The following PPM1A variants were observed in gnomAD, a reference collection of about 807,000 sequenced individuals.
PPM1A encodes the protein protein phosphatase, Mg2+/Mn2+ dependent 1A.
PPM1A carries 7 observed loss-of-function variants against 35.0 expected under a neutral mutation model. That is an observed-to-expected ratio of 0.20 (90% CI 0.11 to 0.38). The LOEUF is 0.38. Ranked by LOEUF, PPM1A falls within the 10% of genes least tolerant of loss-of-function variation. The pLI is 1.00. For synonymous variants in PPM1A, 153 were observed against 167.3 expected (o/e 0.91, Z 0.66); for missense variants, 239 against 467.8 (o/e 0.51, Z 4.51).
chr14:60,280,097 C>T (rs949137495), intron 1 of PPM1A, among the ~76,000 whole-genome samples: 7 of 152,216 alleles, frequency 4.6e-5, no homozygotes, highest in Middle Eastern at 3.4e-3. Flanking sequence ...ACCTCTGCCT[C>T]CAGGTTCAAG....
intron 1 of PPM1A, among the ~76,000 whole-genome samples, chr14:60,274,897 A>C (rs1349974797): frequency 1.3e-5 from 2 of 151,492 alleles, no homozygotes; most frequent in Non-Finnish European, 2.9e-5. Flanking sequence ...CCCTCTTTTC[A>C]ACTTCTGAAT....
In PPM1A at chr14:60,292,187, T is replaced by C. The variant is rs1304126765; in HGVS notation, c.1120-266T>C. ...AAAAAATTCTTTTTAGTAGATTTAT[T>C]GATTGAGTAATACATTTGGACAGCC... On this transcript the variant is annotated intron_variant, in intron 5 of 5. Coordinates refer to ENST00000395076, the MANE Select transcript of PPM1A (RefSeq NM_021003.5). This position sits in a 1 kb window ranked among gnomAD's most constrained non-coding sequence, Gnocchi z 4.2. Among the ~76,000 whole-genome samples, 3 of 152,170 alleles carry C rather than the reference T, an allele frequency of 2.0e-5. No individual in the cohort carries two copies. Among genetic ancestry groups the C allele is most frequent in the Non-Finnish European group, 4.4e-5 (3 of 68,018 alleles).
In PPM1A at chr14:60,282,848, G is replaced by A; in HGVS notation, c.145G>A (p.Gly49Arg). The A allele has an allele frequency of 1.2e-6, 2 of 1,614,230 alleles. No individual in the cohort carries two copies. Among genetic ancestry groups the A allele is most frequent in the Non-Finnish European group, 1.7e-6 (2 of 1,180,042 alleles). Residue 49 changes from glycine (G) to arginine (R), a missense_variant, in exon 2 of 6, where the codon GGA becomes AGA. Physicochemically the swap from Gly to Arg is moderately radical, Grantham distance 125. This residue lies in a region of PPM1A where 175 missense variants were observed against 389.2 expected (regional missense o/e 0.45). Coordinates refer to ENST00000395076, the MANE Select transcript of PPM1A (RefSeq NM_021003.5). This position sits in a 1 kb window ranked among gnomAD's most constrained non-coding sequence, Gnocchi z 5.1. Reference protein sequence around the residue: ...AHTAVIGLPSGLESWSFFAVY... With the variant: ...AHTAVIGLPSRLESWSFFAVY... ...TACGGCTGTGATCGGTTTGCCAAGT[G>A]GACTTGAATCGTGGTCATTCTTTGC...
In PPM1A at chr14:60,283,083, C is replaced by T; in HGVS notation, c.380C>T (p.Ser127Leu). The T allele has an allele frequency of 6.2e-7, 1 of 1,614,162 alleles. No homozygotes were observed. Among genetic ancestry groups the T allele is most frequent in the Non-Finnish European group, 8.5e-7 (1 of 1,180,026 alleles). Residue 127 changes from serine (S) to leucine (L), a missense_variant, in exon 2 of 6, where the codon TCA (serine) becomes TTA (leucine). Ser to Leu is a moderately radical substitution (Grantham distance 145). Around this residue, in one of 2 missense-constraint regions of PPM1A, gnomAD observed 175 missense variants for 389.2 expected, o/e 0.45. Transcript: ENST00000395076. This position sits in a 1 kb window ranked among gnomAD's most constrained non-coding sequence, Gnocchi z 6.3. Reference protein sequence around the residue: ...EKKHGADRSGSTAVGVLISPQ... With the variant: ...EKKHGADRSGLTAVGVLISPQ... ...AAACATGGTGCAGATAGAAGTGGGT[C>T]AACAGCTGTAGGTGTCTTAATTTCT...
At chr14:60,265,487 G>A (rs1884267194) in intron 1 of PPM1A, among the ~76,000 whole-genome samples, 1 of 152,204 alleles carries the variant, frequency 6.6e-6, no homozygotes, top group Non-Finnish European at 1.5e-5. Context: ...AAAGAGTTCA[G>A]TGGCTTGGTC....
chr14:60,274,936 G>A (rs1885579620), intron 1 of PPM1A, among the ~76,000 whole-genome samples: 1 of 150,724 alleles, frequency 6.6e-6, no homozygotes, highest in Non-Finnish European at 1.5e-5. Context: ...ATTTTTCTCT[G>A]TTCATTTTTA....
Position 60,275,786 on chromosome 14 carries a change from A to G in PPM1A, c.-20-6898A>G, listed in dbSNP as rs147795733. Among the ~76,000 whole-genome samples the G allele has an allele frequency of 5.8e-4, 88 of 152,010 alleles. No individual in the cohort carries two copies. In the South Asian group the frequency reaches 8.1e-3, roughly 14 times the overall value. Reference sequence around the variant, plus strand: ...CATGTGTGGCTCTAATCATTTTTAAAGCAACAATCAGTGGGAAATTTCAGC... The same window carrying G: ...CATGTGTGGCTCTAATCATTTTTAAGGCAACAATCAGTGGGAAATTTCAGC... On this transcript the variant is annotated intron_variant, in intron 1 of 5. Transcript: ENST00000395076.
intron 1 of PPM1A, chr14:60,250,314 A>G (rs1483094953): frequency 2.2e-6 from 1 of 446,874 alleles, no homozygotes; most frequent in East Asian, 1.6e-4. Context: ...CCTTTTAACT[A>G]CGTAAATCGG....
chr14:60,285,481 C>T (rs1886912612), intron 2 of PPM1A, 143 bp from the exon 3 acceptor site: 5 of 823,190 alleles, frequency 6.1e-6, no homozygotes, highest in East Asian at 2.7e-5. Flanking sequence ...CGCACGCATG[C>T]GTGCACATAT....
intron 1 of PPM1A, among the ~76,000 whole-genome samples, chr14:60,281,704 A>G (rs1204245491): frequency 6.6e-6 from 1 of 152,224 alleles, no homozygotes; most frequent in African/African-American, 2.4e-5. Context: ...AATTCTAACC[A>G]GCTGTCTCTT....
At chr14:60,251,603 ACATTTAAAAATTTT>A (rs1447560924) in intron 1 of PPM1A, among the ~76,000 whole-genome samples, 1 of 152,202 alleles carries the variant, frequency 6.6e-6, no homozygotes, top group Admixed American at 6.5e-5. Flanking sequence ...TCCAGTTACT[ACATTTAAAAATTTT>A]TTTTTATCAA....
intron 1 of PPM1A, among the ~76,000 whole-genome samples, chr14:60,275,844 CTTTT>C (rs531960264): frequency 1.5e-4 from 19 of 130,434 alleles, no homozygotes; most frequent in Admixed American, 2.3e-4. Flanking sequence ...AAAGATTAGC[CTTTT>C]TTTTTTTTTT....
Position 60,293,427 on chromosome 14 carries a change from T to G in PPM1A, c.*945T>G, listed in dbSNP as rs1887823722. ...CACTGTGCCGTTGTAATGAGACGTT[T>G]CTCATAGGGAAAGATGTTAGTCTCT... On this transcript the variant is annotated 3_prime_UTR_variant, in exon 6 of 6. Coordinates refer to ENST00000395076, the MANE Select transcript of PPM1A (RefSeq NM_021003.5). The surrounding 1 kb of genome is among the most constrained non-coding windows in gnomAD (Gnocchi z 4.0). The G allele has an allele frequency of 6.6e-6, 1 of 152,064 alleles. No individual in the cohort carries two copies. The allele number at this position is 152,064 out of a possible 1,614,324, so 9.4% of individuals were successfully genotyped here.
rs139925261 is a variant in PPM1A, at chr14:60,295,335, A to T, written c.*2853A>T. The stretch of plus-strand genomic sequence containing the variant: ...TTATAGACAATAGAAGCAGTTCTCA[A>T]TATTAGCATATACTTTAAAAAATCA... On this transcript the variant is annotated 3_prime_UTR_variant, in exon 6 of 6. Coordinates refer to ENST00000395076, the MANE Select transcript of PPM1A (RefSeq NM_021003.5). The T allele has an allele frequency of 4.6e-3, 702 of 151,842 alleles. 5 individuals are homozygous for T. The highest frequency in any genetic ancestry group is 0.016 in the African/African-American group (677 of 41,510). 9.4% of individuals were successfully genotyped at this position (151,842 alleles called of 1,614,324 possible). A position where few individuals can be genotyped will look rare whatever the true frequency, so the allele number is the denominator to read the frequency against.
rs1165085620 is a variant in PPM1A at position 60,283,237 on chromosome 14, A to G, written c.534A>G (p.Ala178=). Residue 178 remains alanine (A), a synonymous_variant, in exon 2 of 6, where the codon GCA becomes GCG. Coordinates refer to ENST00000395076, the MANE Select transcript of PPM1A (RefSeq NM_021003.5). This position sits in a 1 kb window ranked among gnomAD's most constrained non-coding sequence, Gnocchi z 6.3. ...TGGAGAAAGAACGAATTCAGAATGC[A>G]GGTGGCTCTGTAATGATTCAGCGTG... ...NPLEKERIQN[A]GGSVMIQRVN... The G allele has an allele frequency of 1.2e-6, 2 of 1,614,246 alleles. No homozygotes were observed. The highest frequency in any genetic ancestry group is 3.3e-5 in the Admixed American group (2 of 60,032).
At chr14:60,291,081 T>A (rs1887582900) in intron 4 of PPM1A, among the ~76,000 whole-genome samples, 1 of 152,158 alleles carries the variant, frequency 6.6e-6, no homozygotes, top group South Asian at 2.1e-4. Flanking sequence ...GCATTGCCAT[T>A]GATGACTCAT....
intron 3 of PPM1A, chr14:60,287,310 G>A: frequency 7.1e-6 from 7 of 983,698 alleles, no homozygotes; most frequent in Non-Finnish European, 8.4e-6. Context: ...AGTTTACATT[G>A]ATACTCAATA....
At chr14:60,257,867 A>G (rs938923282) in intron 1 of PPM1A, among the ~76,000 whole-genome samples, 14 of 152,206 alleles carry the variant, frequency 9.2e-5, no homozygotes, top group African/African-American at 3.4e-4. Flanking sequence ...ACCAGGCTTT[A>G]GAAAAACATC....
intron 1 of PPM1A, among the ~76,000 whole-genome samples, chr14:60,264,787 C>T (rs1884182775): frequency 6.6e-6 from 1 of 152,068 alleles, no homozygotes; most frequent in South Asian, 2.1e-4. Flanking sequence ...TTTATGTGGC[C>T]TCAGTTCCAG....
Sources: gnomAD v4.1 joint callset for allele counts (sites outside exome capture counted in the v4.1 genomes callset) on GRCh38, gnomAD v4.1.1 for gene constraint, gnomAD v4.1.1 regional missense constraint, Gnocchi (gnomAD v3.1) non-coding constraint, MANE v1.5 for transcripts, NCBI Gene and HGNC (gene_info 2026-07-23, HGNC 2026-07-21) for gene names.